The following PCLO variants were observed in gnomAD, a reference collection of about 807,000 sequenced individuals.
PCLO encodes the protein protein piccolo.
PCLO carries 82 observed loss-of-function variants against 427.5 expected under a neutral mutation model. The ratio of observed to expected loss-of-function variants is 0.19; its 90% CI spans 0.16 to 0.23. The LOEUF (loss-of-function observed/expected upper bound fraction) is 0.23. Ranked by LOEUF, PCLO falls within the 10% of genes least tolerant of loss-of-function variation. The pLI is 1.00. For missense variants in PCLO, 6,239 were observed against 6,115.9 expected, an observed-to-expected ratio of 1.02 and a Z score of -0.67; for synonymous variants, 2,357 against 2,155.4, an observed-to-expected ratio of 1.09 and a Z score of -2.59.
chr7:82,782,090 A>C (rs1319124647), intron 22 of PCLO, among the ~76,000 whole-genome samples: 2 of 152,198 alleles, frequency 1.3e-5, no homozygotes, highest in Non-Finnish European at 2.9e-5. Context: ...AGAACTTTCT[A>C]AGGCCCAGAC....
At position 82,989,249 on chromosome 7, in the gene PCLO, A is replaced by C. The variant is rs576459483; in HGVS notation, c.3301-22762T>G. Among the ~76,000 whole-genome samples, 12 of 152,274 alleles carry C rather than the reference A, an allele frequency of 7.9e-5. 1 individual carries two copies. In the South Asian group the frequency reaches 2.5e-3, roughly 32 times the overall value. On this transcript the variant is annotated intron_variant, in intron 3 of 24. Coordinates refer to ENST00000333891, the MANE Select transcript of PCLO (RefSeq NM_033026.6). ...TTTTTTCTGCTTTACAGAAAAGACA[A>C]AATCATTTAGGGCAAAAGCAATCCA...
intron 3 of PCLO, among the ~76,000 whole-genome samples, chr7:83,118,813 C>G (rs1375229068): frequency 2.6e-5 from 4 of 152,102 alleles, no homozygotes; most frequent in Non-Finnish European, 5.9e-5. Context: ...ACTACAAGGA[C>G]TGGTGGTGTG....
At chr7:82,908,335 G>C (rs1794240686) in intron 8 of PCLO, among the ~76,000 whole-genome samples, 1 of 151,976 alleles carries the variant, frequency 6.6e-6, no homozygotes, top group Non-Finnish European at 1.5e-5. Flanking sequence ...ACACTGATTA[G>C]CAATATCTAC....
At chr7:82,760,870 G>T in intron 23 of PCLO, 86 bp from the exon 24 acceptor site, 4 of 429,820 alleles carry the variant, frequency 9.3e-6, no homozygotes, top group South Asian at 5.2e-5. Flanking sequence ...GAGAGTTCTT[G>T]TTACATTTTG....
At position 82,953,902 on chromosome 7, in the gene PCLO, G is replaced by T. The variant is rs753787911; in HGVS notation, c.7051C>A (p.Pro2351Thr). Residue 2351 changes from proline to threonine, a missense_variant, in exon 5 of 25, where the codon CCA (proline) becomes ACA (threonine). By Grantham distance (38) the Pro-to-Thr change is conservative. Coordinates refer to ENST00000333891, the MANE Select transcript of PCLO (RefSeq NM_033026.6). ...GTAGTTGAAAGCTGCTCTTTCATTG[G>T]AAGGGCTATTACAGAAGAAGGTGGG... is the stretch of plus-strand genomic sequence containing the variant. ...DHPPSSVIAL[P>T]MKEQLSTTYF... is the part of the protein sequence containing the mutation. 1 of 1,613,896 alleles carries T rather than the reference G, an allele frequency of 6.2e-7. No homozygotes were observed. The highest frequency in any genetic ancestry group is 1.7e-5 in the Admixed American group (1 of 60,018).
chr7:82,965,668 G>A, intron 4 of PCLO, 103 bp downstream of exon 4: 3 of 693,816 alleles, frequency 4.3e-6, no homozygotes, highest in Non-Finnish European at 7.2e-6. Context: ...CATTGTTTGA[G>A]GAACTTCACT....
chr7:82,777,830 T>A (rs1315493949), intron 22 of PCLO, among the ~76,000 whole-genome samples: 1 of 152,080 alleles, frequency 6.6e-6, no homozygotes, highest in Non-Finnish European at 1.5e-5. Flanking sequence ...AGGTAGGTAA[T>A]ATCTAGGTCC....
intron 10 of PCLO, among the ~76,000 whole-genome samples, chr7:82,854,612 T>C (rs2115867811): frequency 6.6e-6 from 1 of 152,278 alleles, no homozygotes; most frequent in East Asian, 1.9e-4. Flanking sequence ...GAATATAAAA[T>C]GAATGAAACA....
chr7:83,039,302 G>A (rs1360612465), intron 3 of PCLO, among the ~76,000 whole-genome samples: 1 of 151,832 alleles, frequency 6.6e-6, no homozygotes, highest in Non-Finnish European at 1.5e-5. Flanking sequence ...CCTACTTTAT[G>A]CAGACTTTCC....
At chr7:82,814,672 A>G (rs1791640092) in intron 20 of PCLO, among the ~76,000 whole-genome samples, 1 of 151,938 alleles carries the variant, frequency 6.6e-6, no homozygotes, top group Admixed American at 6.6e-5. Flanking sequence ...AAAAATCAAC[A>G]AGCACATATT....
At chr7:82,825,152 T>A (rs763102472) in intron 18 of PCLO, among the ~76,000 whole-genome samples, 3 of 152,126 alleles carry the variant, frequency 2.0e-5, no homozygotes, top group Non-Finnish European at 4.4e-5. Flanking sequence ...ACTACCACAT[T>A]TTGTCATGGT....
At chr7:82,905,188 T>G (rs558640892) in intron 8 of PCLO, among the ~76,000 whole-genome samples, 1 of 152,166 alleles carries the variant, frequency 6.6e-6, no homozygotes, top group South Asian at 2.1e-4. Flanking sequence ...GATTCCTCAT[T>G]GATAGAATTA....
At position 83,058,743 on chromosome 7, in the gene PCLO, G is replaced by A. The variant is rs182464965; in HGVS notation, c.3300+75507C>T. On this transcript the variant is annotated intron_variant, in intron 3 of 24. Coordinates refer to ENST00000333891, the MANE Select transcript of PCLO (RefSeq NM_033026.6). ...ATTACACGCTCAAGTTCATAACGTC[G>A]GTGTGTAATTGAACCTAGGCAATCG... Among the ~76,000 whole-genome samples, 32 of 152,088 alleles carry A rather than the reference G, an allele frequency of 2.1e-4. No homozygotes were observed. In the East Asian group the frequency reaches 3.7e-3, roughly 17 times the overall value.
At chr7:83,121,128 AAAACAAAC>A (rs538647087) in intron 3 of PCLO, among the ~76,000 whole-genome samples, 19 of 142,926 alleles carry the variant, frequency 1.3e-4, no homozygotes, top group Non-Finnish European at 2.2e-4. Context: ...TAAAAATACA[AAAACAAAC>A]AAACAAACAA....
rs984963487 is a variant in PCLO at position 82,902,665 on chromosome 7, T to G, written c.13514A>C (p.Asp4505Ala). 9.5e-6 allele frequency: 15 copies of G among 1,582,418 alleles called. No homozygotes were observed. Among genetic ancestry groups the G allele is most frequent in the Non-Finnish European group, 1.2e-5 (14 of 1,152,358 alleles). ...ARIKITRDSK[D>A]HTVSGNGLGI... Reference sequence around the variant, plus strand: ...ATTTGCTTTACCTGAAACTGTGTGATCCTTTGAGTCTCTTGTTATTTTTAT... The same window carrying G: ...ATTTGCTTTACCTGAAACTGTGTGAGCCTTTGAGTCTCTTGTTATTTTTAT... Residue 4505 changes from aspartate (D) to alanine (A), a missense_variant, in exon 9 of 25, where the codon GAT becomes GCT. Asp to Ala is a moderately radical substitution (Grantham distance 126, BLOSUM62 -2). Around this residue, in one of 5 missense-constraint regions of PCLO, gnomAD observed 877 missense variants for 925.5 expected, o/e 0.95. Coordinates refer to ENST00000333891, the MANE Select transcript of PCLO (RefSeq NM_033026.6).
intron 4 of PCLO, among the ~76,000 whole-genome samples, chr7:82,961,981 A>G (rs940607307): frequency 1.3e-5 from 2 of 152,232 alleles, no homozygotes; most frequent in African/African-American, 4.8e-5. Context: ...GAAAGTTGAC[A>G]CTTTTCATAT....
intron 16 of PCLO, among the ~76,000 whole-genome samples, chr7:82,831,075 T>C (rs1255959430): frequency 6.6e-6 from 1 of 152,098 alleles, no homozygotes; most frequent in Non-Finnish European, 1.5e-5. Flanking sequence ...TAACATTTAT[T>C]AAATGCCTCC....
chr7:82,969,167 T>A (rs1795848037), intron 3 of PCLO, among the ~76,000 whole-genome samples: 1 of 152,168 alleles, frequency 6.6e-6, no homozygotes, highest in Admixed American at 6.5e-5. Flanking sequence ...AACATAGCAA[T>A]AATTTCAAGG....
chr7:82,892,308 C>T (rs1038866515), intron 9 of PCLO, among the ~76,000 whole-genome samples: 3 of 151,948 alleles, frequency 2.0e-5, no homozygotes, highest in Non-Finnish European at 2.9e-5. Context: ...ACAAACCTGA[C>T]AAAAACAAGA....
Sources: allele counts gnomAD v4.1 joint callset (sites outside exome capture counted in the v4.1 genomes callset), GRCh38; gene constraint gnomAD v4.1.1; regional missense constraint gnomAD v4.1.1; transcripts MANE v1.5; gene names NCBI Gene and HGNC (gene_info 2026-07-23, HGNC 2026-07-21).